The following ZEB1 variants were observed in gnomAD, a reference collection of about 807,000 sequenced individuals.
ZEB1 encodes the protein zinc finger E-box binding homeobox 1, also known as zinc finger E-box-binding homeobox 1.
A neutral mutation model predicts 84.9 loss-of-function variants in ZEB1; 21 were observed. The observed-to-expected ratio is 0.25, with a 90% CI of 0.18 to 0.36. The LOEUF is 0.36. ZEB1 is among the 10% of genes least tolerant of loss of function. The pLI, the probability that ZEB1 is intolerant of heterozygous loss-of-function variation, is 1.00. For missense variants in ZEB1, 1,104 were observed against 1,330.2 expected, an observed-to-expected ratio of 0.83 and a Z score of 2.65; for synonymous variants, 420 against 471.1, an observed-to-expected ratio of 0.89 and a Z score of 1.41.
chr10:31,446,530 G>A lies in ZEB1; in HGVS notation c.59-14507G>A, dbSNP rs1285602728. The stretch of plus-strand genomic sequence containing the variant: ...AGGGTGTCAATTTTGGATCTTTCCT[G>A]CTTTCTCTTGTGGGCATTTAGTGCT... On this transcript the variant is annotated intron_variant, in intron 1 of 8. Coordinates refer to ENST00000424869, the MANE Select transcript of ZEB1 (RefSeq NM_001174096.2). Among the ~76,000 whole-genome samples the A allele has an allele frequency of 5.3e-5, 8 of 150,070 alleles. No homozygotes were observed. The South Asian group carries it at 1.5e-3, about 28-fold the overall frequency.
At chr10:31,478,222 G>A (rs1303568971) in intron 2 of ZEB1, among the ~76,000 whole-genome samples, 2 of 151,970 alleles carry the variant, frequency 1.3e-5, no homozygotes, top group Non-Finnish European at 2.9e-5. Flanking sequence ...CTTAAAAGAA[G>A]ACATAAAGTT....
chr10:31,500,035 A>G (rs1278153129), intron 3 of ZEB1, among the ~76,000 whole-genome samples: 3 of 152,080 alleles, frequency 2.0e-5, no homozygotes, highest in African/African-American at 4.8e-5. Flanking sequence ...CATTATTCCA[A>G]CAGCTAGCAC....
chr10:31,476,371 G>T (rs1411071572), intron 2 of ZEB1, among the ~76,000 whole-genome samples: 1 of 151,862 alleles, frequency 6.6e-6, no homozygotes, highest in African/African-American at 2.4e-5. Flanking sequence ...AGAAATATGT[G>T]AATTCCTGGA....
intron 3 of ZEB1, among the ~76,000 whole-genome samples, chr10:31,496,979 G>A (rs1474039189): frequency 2.0e-5 from 3 of 152,100 alleles, no homozygotes; most frequent in Non-Finnish European, 4.4e-5. Flanking sequence ...AATGGAGTAT[G>A]TGATAATTTG....
At chr10:31,435,471 G>A (rs2058181104) in intron 1 of ZEB1, among the ~76,000 whole-genome samples, 1 of 152,182 alleles carries the variant, frequency 6.6e-6, no homozygotes. Context: ...TACAAACTAC[G>A]ATGGATGCTT....
intron 1 of ZEB1, among the ~76,000 whole-genome samples, chr10:31,412,057 G>A (rs991398653): frequency 6.6e-5 from 10 of 152,072 alleles, no homozygotes; most frequent in Non-Finnish European, 1.3e-4. Flanking sequence ...ATTGTAAAAA[G>A]GATGCAGAGA....
chr10:31,367,409 T>A lies in ZEB1; in HGVS notation c.58+48117T>A, dbSNP rs894411425. Among the ~76,000 whole-genome samples the A allele has an allele frequency of 4.6e-5, 7 of 152,278 alleles. No homozygotes were observed. In the East Asian group the frequency reaches 1.3e-3, roughly 29 times the overall value. On this transcript the variant is annotated intron_variant, in intron 1 of 8. Coordinates refer to ENST00000424869, the MANE Select transcript of ZEB1 (RefSeq NM_001174096.2). ...GAGATGCTTATGAAGGTGGTGGTAG[T>A]AGTGATAATGGTAGTGATGATGATG...
intron 2 of ZEB1, among the ~76,000 whole-genome samples, chr10:31,494,102 C>A (rs982768896): frequency 6.6e-6 from 1 of 152,072 alleles, no homozygotes; most frequent in South Asian, 2.1e-4. Context: ...TTACAATAAT[C>A]AGTAACTATA....
At chr10:31,419,713 T>C (rs947433747) in intron 1 of ZEB1, among the ~76,000 whole-genome samples, 1 of 152,226 alleles carries the variant, frequency 6.6e-6, no homozygotes, top group Non-Finnish European at 1.5e-5. Flanking sequence ...CATAAAACTT[T>C]AGATATTTTG....
rs181998175 is a variant in ZEB1, at chr10:31,361,670, C to G, written c.58+42378C>G. 2.1e-4 allele frequency among the ~76,000 whole-genome samples: 32 copies of G among 151,218 alleles called. No homozygotes were observed. The East Asian group carries it at 5.9e-3, about 28-fold the overall frequency. ...GCTGGGCAGAGGTGCTCCTCACTTT[C>G]CAGACAGGGCGGCGGCTGGGCAGGG... On this transcript the variant is annotated intron_variant, in intron 1 of 8. Coordinates refer to ENST00000424869, the MANE Select transcript of ZEB1 (RefSeq NM_001174096.2).
intron 2 of ZEB1, among the ~76,000 whole-genome samples, chr10:31,489,392 A>G (rs2066186884): frequency 1.3e-5 from 2 of 151,336 alleles, no homozygotes; most frequent in Non-Finnish European, 3.0e-5. Context: ...TAGGATATTA[A>G]TGGGGATTTT....
intron 1 of ZEB1, among the ~76,000 whole-genome samples, chr10:31,410,957 T>C (rs1225614439): frequency 6.6e-6 from 1 of 152,228 alleles, no homozygotes; most frequent in East Asian, 1.9e-4. Context: ...TCTGGATTCA[T>C]TGATTATTTT....
At chr10:31,454,275 G>A (rs2060932372) in intron 1 of ZEB1, among the ~76,000 whole-genome samples, 1 of 152,056 alleles carries the variant, frequency 6.6e-6, no homozygotes, top group African/African-American at 2.4e-5. Flanking sequence ...AATAATAAAA[G>A]CTATTTATGA....
intron 1 of ZEB1, among the ~76,000 whole-genome samples, chr10:31,445,643 C>G (rs1203722500): frequency 2.8e-4 from 43 of 151,366 alleles, no homozygotes; most frequent in Non-Finnish European, 4.9e-4. Flanking sequence ...TGAATTTTGT[C>G]AAAGGCTTTT....
At chr10:31,464,916 A>AT (rs768392256) in intron 2 of ZEB1, among the ~76,000 whole-genome samples, 6 of 152,216 alleles carry the variant, frequency 3.9e-5, no homozygotes, top group African/African-American at 9.6e-5. Flanking sequence ...AATTAGCAAC[A>AT]TGAAAACATG....
At chr10:31,406,510 G>A (rs1264232393) in intron 1 of ZEB1, among the ~76,000 whole-genome samples, 1 of 151,460 alleles carries the variant, frequency 6.6e-6, no homozygotes, top group Non-Finnish European at 1.5e-5. Flanking sequence ...AGAAGTGTCT[G>A]TTAATATCCT....
At position 31,471,617 on chromosome 10, in the gene ZEB1, C is replaced by A. The variant is rs1308150566; in HGVS notation, c.259+10380C>A. Among the ~76,000 whole-genome samples the A allele has an allele frequency of 2.1e-5, 3 of 143,432 alleles. No individual in the cohort carries two copies. The East Asian group carries it at 6.1e-4, about 29-fold the overall frequency. 94.1% of individuals were successfully genotyped at this position (143,432 alleles called of 152,430 possible). On this transcript the variant is annotated intron_variant, in intron 2 of 8. Coordinates refer to ENST00000424869, the MANE Select transcript of ZEB1 (RefSeq NM_001174096.2). ...ACTCCCACACATTAATAATGGGAGACTTTAACACCCCACTGTCAACATTAG... is the reference window on the plus strand; with the variant it reads ...ACTCCCACACATTAATAATGGGAGAATTTAACACCCCACTGTCAACATTAG...
intron 2 of ZEB1, among the ~76,000 whole-genome samples, chr10:31,479,628 A>G (rs1420922602): frequency 6.6e-6 from 1 of 151,936 alleles, no homozygotes; most frequent in Non-Finnish European, 1.5e-5. Flanking sequence ...AGACATTAAT[A>G]TTCTGATATT....
At chr10:31,396,117 GT>G (rs909629393) in intron 1 of ZEB1, among the ~76,000 whole-genome samples, 1 of 152,104 alleles carries the variant, frequency 6.6e-6, no homozygotes, top group Non-Finnish European at 1.5e-5. Context: ...ACAGTAAGTT[GT>G]TTTTTCTTTT....
Sources: allele counts gnomAD v4.1 joint callset (sites outside exome capture counted in the v4.1 genomes callset), GRCh38; gene constraint gnomAD v4.1.1; transcripts MANE v1.5; gene names NCBI Gene and HGNC (gene_info 2026-07-23, HGNC 2026-07-21).